The following SNTG1 variants were observed in gnomAD, a reference collection of about 807,000 sequenced individuals.
SNTG1 encodes gamma-1-syntrophin.
A neutral mutation model predicts 74.7 loss-of-function variants in SNTG1; 39 were observed. The observed-to-expected ratio is 0.52, with a 90% CI of 0.40 to 0.68. The LOEUF (loss-of-function observed/expected upper bound fraction) is 0.68, where lower values mean the gene tolerates loss of function less well. Ranked by LOEUF, SNTG1 falls within the 30% of genes least tolerant of loss-of-function variation. SNTG1 has a pLI of 0.00. For synonymous variants in SNTG1, 254 were observed against 217.1 expected (o/e 1.17, Z -1.49); for missense variants, 685 against 609.5 (o/e 1.12, Z -1.30).
intron 13 of SNTG1, among the ~76,000 whole-genome samples, chr8:50,624,927 C>T (rs1414925832): frequency 1.3e-5 from 2 of 152,168 alleles, no homozygotes; most frequent in Admixed American, 1.3e-4. Context: ...GTCCCTTCCT[C>T]TACACCTTCT....
intron 2 of SNTG1, among the ~76,000 whole-genome samples, chr8:50,373,291 A>C (rs2092309338): frequency 6.6e-6 from 1 of 152,222 alleles, no homozygotes; most frequent in African/African-American, 2.4e-5. Context: ...GTTTTCACGA[A>C]ATACAGAAGT....
At chr8:50,158,775 A>G (rs2082326846) in intron 1 of SNTG1, among the ~76,000 whole-genome samples, 1 of 152,148 alleles carries the variant, frequency 6.6e-6, no homozygotes, top group Non-Finnish European at 1.5e-5. Flanking sequence ...GCTTTGGTGA[A>G]CAGACATTCT....
chr8:50,197,443 G>A (rs549683343), intron 2 of SNTG1, among the ~76,000 whole-genome samples: 13 of 152,022 alleles, frequency 8.6e-5, no homozygotes, highest in African/African-American at 2.9e-4. Context: ...TCTGTTAATA[G>A]GTGCACCTTT....
intron 13 of SNTG1, among the ~76,000 whole-genome samples, chr8:50,601,096 T>A (rs1298974952): frequency 7.5e-6 from 1 of 132,964 alleles, no homozygotes; most frequent in African/African-American, 2.9e-5. Flanking sequence ...AGGTGGAGGT[T>A]TCAGTGAGCC....
At chr8:50,033,898 T>C (rs1817940648) in intron 1 of SNTG1, among the ~76,000 whole-genome samples, 1 of 152,206 alleles carries the variant, frequency 6.6e-6, no homozygotes, top group South Asian at 2.1e-4. Flanking sequence ...AATAAGAAGG[T>C]GTTCTGTAAT....
At chr8:50,568,513 T>C (rs1404965930) in intron 12 of SNTG1, among the ~76,000 whole-genome samples, 2 of 152,150 alleles carry the variant, frequency 1.3e-5, no homozygotes, top group South Asian at 2.1e-4. Context: ...GCTTGTCTTT[T>C]TGATAAAAGC....
chr8:50,565,969 T>G (rs979339511), intron 12 of SNTG1, among the ~76,000 whole-genome samples: 1 of 151,874 alleles, frequency 6.6e-6, no homozygotes, highest in African/African-American at 2.4e-5. Context: ...TGGATATTAT[T>G]TTTTTACGGA....
At chr8:50,635,250 A>G (rs1242305003) in intron 13 of SNTG1, among the ~76,000 whole-genome samples, 1 of 152,152 alleles carries the variant, frequency 6.6e-6, no homozygotes, top group Non-Finnish European at 1.5e-5. Flanking sequence ...CTGTAAAACT[A>G]AAGTGACAAC....
intron 1 of SNTG1, among the ~76,000 whole-genome samples, chr8:49,965,526 T>C (rs1227503644): frequency 1.3e-5 from 2 of 152,146 alleles, no homozygotes; most frequent in Non-Finnish European, 2.9e-5. Context: ...GAGTGGAAGC[T>C]CAAGAGAATC....
chr8:50,553,298 A>C, intron 12 of SNTG1, 119 bp downstream of exon 12: 4 of 1,308,972 alleles, frequency 3.1e-6, no homozygotes, highest in Non-Finnish European at 4.2e-6. Flanking sequence ...ACATTCATGA[A>C]AGCTATTCTG....
At chr8:50,324,938 C>CATATATATATATAT (rs201152206) in intron 2 of SNTG1, among the ~76,000 whole-genome samples, 1 of 134,008 alleles carries the variant, frequency 7.5e-6, no homozygotes, top group South Asian at 2.4e-4. Context: ...GCATTTTATA[C>CATATATATATATAT]ATATATATAT....
chr8:50,085,989 C>T (rs528954379), intron 1 of SNTG1, among the ~76,000 whole-genome samples: 4 of 151,680 alleles, frequency 2.6e-5, no homozygotes, highest in Non-Finnish European at 5.9e-5. Flanking sequence ...ACTTTTTTGT[C>T]TTATGATGAG....
At chr8:50,693,001 A>T (rs2095388682) in intron 15 of SNTG1, among the ~76,000 whole-genome samples, 1 of 152,084 alleles carries the variant, frequency 6.6e-6, no homozygotes. Flanking sequence ...TTGATCTCGG[A>T]CTGCTGTGTT....
intron 3 of SNTG1, among the ~76,000 whole-genome samples, chr8:50,395,175 A>G (rs904128486): frequency 5.9e-5 from 9 of 152,172 alleles, no homozygotes; most frequent in Non-Finnish European, 1.3e-4. Context: ...TATATATTTA[A>G]AAATACTTGT....
intron 9 of SNTG1, among the ~76,000 whole-genome samples, chr8:50,515,816 G>C (rs891512378): frequency 3.9e-5 from 6 of 152,080 alleles, no homozygotes; most frequent in African/African-American, 1.4e-4. Context: ...GGGGCTTATA[G>C]ATAAAACTCC....
intron 2 of SNTG1, among the ~76,000 whole-genome samples, chr8:50,377,122 A>G (rs1423479185): frequency 6.6e-6 from 1 of 152,016 alleles, no homozygotes; most frequent in Non-Finnish European, 1.5e-5. Context: ...GGAGGTGTGT[A>G]TTTGAGGAGG....
At chr8:50,213,616 C>T (rs2084629372) in intron 2 of SNTG1, among the ~76,000 whole-genome samples, 1 of 151,926 alleles carries the variant, frequency 6.6e-6, no homozygotes, top group Admixed American at 6.6e-5. Context: ...TTAATGATTG[C>T]CATTCTAACT....
intron 17 of SNTG1, among the ~76,000 whole-genome samples, chr8:50,725,099 G>A (rs911940307): frequency 3.9e-5 from 6 of 151,964 alleles, no homozygotes; most frequent in Non-Finnish European, 8.8e-5. Flanking sequence ...AGAATCGTTG[G>A]ATCAAAATAA....
At chr8:50,471,941 A>C (rs1410248092) in intron 8 of SNTG1, among the ~76,000 whole-genome samples, 1 of 152,174 alleles carries the variant, frequency 6.6e-6, no homozygotes, top group African/African-American at 2.4e-5. Context: ...CATTAAAGGA[A>C]ATTTTATTTA....
Sources: gnomAD v4.1 joint callset for allele counts (sites outside exome capture counted in the v4.1 genomes callset) on GRCh38, gnomAD v4.1.1 for gene constraint, MANE v1.5 for transcripts, NCBI Gene and HGNC (gene_info 2026-07-23, HGNC 2026-07-21) for gene names.